The following BBS9 variants were observed in gnomAD, a reference collection of about 807,000 sequenced individuals.
BBS9 encodes the protein Bardet-Biedl syndrome 9.
BBS9 carries 89 observed loss-of-function variants against 117.7 expected under a neutral mutation model. The observed-to-expected ratio is 0.76, with a 90% CI of 0.64 to 0.90. BBS9 has a LOEUF of 0.90. Among genes scored for constraint, BBS9 ranks in the 40% least tolerant of loss-of-function variants. The pLI is 0.00. For synonymous variants in BBS9, 379 were observed against 370.9 expected, an observed-to-expected ratio of 1.02 and a Z score of -0.25; for missense variants, 982 against 1,042.2, an observed-to-expected ratio of 0.94 and a Z score of 0.80.
At chr7:33,154,709 A>G (rs1172461281) in intron 3 of BBS9, among the ~76,000 whole-genome samples, 2 of 152,042 alleles carry the variant, frequency 1.3e-5, no homozygotes, top group African/African-American at 2.4e-5. Flanking sequence ...CAGGAGATCC[A>G]CCGCCCCCTC....
Position 33,152,820 on chromosome 7 carries a change from G to A in BBS9, c.232G>A (p.Val78Ile). The A allele has an allele frequency of 5.0e-6, 8 of 1,613,958 alleles. No individual in the cohort carries two copies. In the African/African-American group the frequency reaches 9.3e-5, roughly 19 times the overall value. The stretch of plus-strand genomic sequence containing the variant: ...TCTAGAAGTGGATCTACGAGATCCA[G>A]TACTTCAAGTGGAAGTAGGAAAGTT... ...LLLEVDLRDP[V>I]LQVEVGKFVS... Residue 78 changes from valine (V) to isoleucine (I), a missense_variant, in exon 3 of 23, where the codon GTA (valine) becomes ATA (isoleucine). Transcript: ENST00000242067.
intron 19 of BBS9, among the ~76,000 whole-genome samples, chr7:33,424,511 C>A (rs948057020): frequency 6.6e-6 from 1 of 152,048 alleles, no homozygotes; most frequent in Non-Finnish European, 1.5e-5. Context: ...CAGGAAAATG[C>A]CTGGCAGCCT....
At chr7:33,218,444 T>G (rs1352545679) in intron 5 of BBS9, among the ~76,000 whole-genome samples, 1 of 152,256 alleles carries the variant, frequency 6.6e-6, no homozygotes, top group Non-Finnish European at 1.5e-5. Context: ...AAAAGTGGCT[T>G]AAGCTCCTGG....
At position 33,536,271 on chromosome 7, in the gene BBS9, C is replaced by G. The variant is rs1444913884; in HGVS notation, c.2521+2095C>G. On this transcript the variant is annotated intron_variant, in intron 21 of 22. Transcript: ENST00000242067. ...CTTGCCTTTACTTGCCGACGACCCGCTTGCCACTCTGTGGTTGAGTGGCTC... is the reference window on the plus strand; with the variant it reads ...CTTGCCTTTACTTGCCGACGACCCGGTTGCCACTCTGTGGTTGAGTGGCTC... Among the ~76,000 whole-genome samples the G allele has an allele frequency of 2.6e-5, 4 of 151,834 alleles. No homozygotes were observed. The South Asian group carries it at 6.2e-4, about 24-fold the overall frequency.
intron 9 of BBS9, among the ~76,000 whole-genome samples, chr7:33,328,727 GT>G: frequency 6.6e-6 from 1 of 152,170 alleles, no homozygotes; most frequent in East Asian, 1.9e-4. Flanking sequence ...TCCAATGCAT[GT>G]TCTTTTTATT....
chr7:33,192,993 C>T (rs956561172), intron 5 of BBS9, among the ~76,000 whole-genome samples: 38 of 152,212 alleles, frequency 2.5e-4, no homozygotes, highest in African/African-American at 7.0e-4. Context: ...TTTTGGATGA[C>T]GTTCAGACCA....
At chr7:33,320,720 G>A (rs561919277) in intron 9 of BBS9, among the ~76,000 whole-genome samples, 1 of 152,082 alleles carries the variant, frequency 6.6e-6, no homozygotes, top group South Asian at 2.1e-4. Context: ...ATGTATGAGT[G>A]TTCCCTTTTC....
chr7:33,396,531 T>C (rs1206052675), intron 19 of BBS9, among the ~76,000 whole-genome samples: 1 of 152,120 alleles, frequency 6.6e-6, no homozygotes, highest in Non-Finnish European at 1.5e-5. Flanking sequence ...TTATAATTTG[T>C]TGAATGCATG....
chr7:33,195,732 T>TTTATC (rs3083581), intron 5 of BBS9, among the ~76,000 whole-genome samples: 126,425 of 151,648 alleles, frequency 0.83, 52,693 homozygotes, highest in Admixed American at 0.87. Flanking sequence ...CTGTAACACT[T>TTTATC]TTCTCTCTGT....
At chr7:33,619,366 T>G (rs1165816500) in intron 21 of BBS9, among the ~76,000 whole-genome samples, 1 of 152,112 alleles carries the variant, frequency 6.6e-6, no homozygotes, top group Non-Finnish European at 1.5e-5. Context: ...AAGAAAATAT[T>G]AATAGAACTG....
intron 20 of BBS9, among the ~76,000 whole-genome samples, chr7:33,507,127 T>G (rs894804835): frequency 1.3e-5 from 2 of 152,218 alleles, no homozygotes; most frequent in African/African-American, 4.8e-5. Context: ...ATGAGATAAT[T>G]ACATAGAGTG....
intron 21 of BBS9, among the ~76,000 whole-genome samples, chr7:33,592,669 G>A (rs941779227): frequency 3.9e-5 from 6 of 151,938 alleles, no homozygotes; most frequent in African/African-American, 1.5e-4. Context: ...TGACCCAGCT[G>A]GACTCTCAGT....
At chr7:33,144,691 G>A (rs988480465) in intron 1 of BBS9, among the ~76,000 whole-genome samples, 4 of 152,156 alleles carry the variant, frequency 2.6e-5, no homozygotes, top group Admixed American at 2.0e-4. Context: ...GTTCCTAAAA[G>A]CAAGAAGGCT....
chr7:33,178,240 T>C (rs1291511352), intron 5 of BBS9, among the ~76,000 whole-genome samples: 1 of 152,246 alleles, frequency 6.6e-6, no homozygotes, highest in Non-Finnish European at 1.5e-5. Flanking sequence ...CCATGCTTTC[T>C]GGCTTGGAGT....
rs1381609578 is a variant in BBS9, at chr7:33,255,559, C to G, written c.443-1677C>G. On this transcript the variant is annotated intron_variant, in intron 5 of 22. Transcript: ENST00000242067. ...TTTATAAAAACGACAATTCTTAGAA[C>G]CATAATTAAAATAAGAATTGATGCC... Among the ~76,000 whole-genome samples, 3 of 152,208 alleles carry G rather than the reference C, an allele frequency of 2.0e-5. No homozygotes were observed. In the East Asian group the frequency reaches 5.8e-4, roughly 29 times the overall value.
chr7:33,603,906 T>G (rs1447104764), intron 21 of BBS9, among the ~76,000 whole-genome samples: 1 of 152,172 alleles, frequency 6.6e-6, no homozygotes, highest in Non-Finnish European at 1.5e-5. Flanking sequence ...TCTTGCCACT[T>G]CCCTCTCATT....
At chr7:33,370,286 A>G (rs1220026487) in intron 17 of BBS9, among the ~76,000 whole-genome samples, 1 of 151,266 alleles carries the variant, frequency 6.6e-6, no homozygotes, top group Non-Finnish European at 1.5e-5. Context: ...AGTGAGACCT[A>G]GTCCCTATTT....
intron 9 of BBS9, among the ~76,000 whole-genome samples, chr7:33,325,271 A>G (rs1389580577): frequency 6.6e-6 from 1 of 152,172 alleles, no homozygotes; most frequent in Non-Finnish European, 1.5e-5. Context: ...AGGCACTCTG[A>G]TGCATTCTTC....
chr7:33,153,875 C>G (rs1446523790), intron 3 of BBS9, among the ~76,000 whole-genome samples: 2 of 152,162 alleles, frequency 1.3e-5, no homozygotes, highest in South Asian at 2.1e-4. Context: ...AGGTTCCCAT[C>G]ATGTGCCTAG....
Sources: gnomAD v4.1 joint callset for allele counts (sites outside exome capture counted in the v4.1 genomes callset) on GRCh38, gnomAD v4.1.1 for gene constraint, MANE v1.5 for transcripts, NCBI Gene and HGNC (gene_info 2026-07-23, HGNC 2026-07-21) for gene names.